The following KCNQ3 variants were observed in gnomAD, a reference collection of about 807,000 sequenced individuals.
The protein encoded by KCNQ3 is potassium voltage-gated channel subfamily Q member 3.
Under a neutral mutation model 92.5 loss-of-function variants are expected in KCNQ3, and 30 were observed. That is an observed-to-expected ratio of 0.32 (90% CI 0.24 to 0.44). The LOEUF (loss-of-function observed/expected upper bound fraction) is 0.44, where lower values mean the gene tolerates loss of function less well. Ranked by LOEUF, KCNQ3 falls within the 20% of genes least tolerant of loss-of-function variation. KCNQ3 has a pLI of 1.00. For synonymous variants in KCNQ3, 450 were observed against 468.8 expected (o/e 0.96, Z 0.52); for missense variants, 913 against 1,140.3 (o/e 0.80, Z 2.87).
chr8:132,204,379 C>T (rs1813586478), intron 1 of KCNQ3, among the ~76,000 whole-genome samples: 1 of 152,360 alleles, frequency 6.6e-6, no homozygotes, highest in East Asian at 1.9e-4. Context: ...CTCTGGCACA[C>T]CTGATCCACT....
chr8:132,171,225 G>A (rs1826336178), intron 7 of KCNQ3, among the ~76,000 whole-genome samples: 1 of 152,020 alleles, frequency 6.6e-6, no homozygotes, highest in Non-Finnish European at 1.5e-5. Context: ...GGGGTGTGGG[G>A]AGTTAATGGG....
At chr8:132,289,113 C>T (rs569886985) in intron 1 of KCNQ3, among the ~76,000 whole-genome samples, 4 of 152,262 alleles carry the variant, frequency 2.6e-5, no homozygotes, top group South Asian at 4.1e-4. Context: ...TTAAAAAATG[C>T]ATCACTAAGA....
intron 4 of KCNQ3, among the ~76,000 whole-genome samples, chr8:132,179,256 G>A (rs899198906): frequency 4.0e-5 from 6 of 151,834 alleles, no homozygotes; most frequent in Non-Finnish European, 7.4e-5. Flanking sequence ...GATTCTGGCT[G>A]CTTGGGTTCC....
intron 9 of KCNQ3, among the ~76,000 whole-genome samples, chr8:132,160,894 G>A (rs1306691642): frequency 6.6e-6 from 1 of 152,158 alleles, no homozygotes; most frequent in Admixed American, 6.5e-5. Flanking sequence ...GCTTTATTAG[G>A]GAAGTTCTGA....
chr8:132,372,974 C>G (rs150227320), intron 1 of KCNQ3, among the ~76,000 whole-genome samples: 7 of 151,978 alleles, frequency 4.6e-5, no homozygotes, highest in African/African-American at 1.7e-4. Context: ...AAGAAAGAAC[C>G]AAAGAAAGAA....
intron 1 of KCNQ3, among the ~76,000 whole-genome samples, chr8:132,278,968 C>T (rs921304061): frequency 2.0e-5 from 3 of 152,062 alleles, no homozygotes; most frequent in Non-Finnish European, 4.4e-5. Flanking sequence ...GTAATCCCAG[C>T]ACTTTGGGAG....
chr8:132,357,368 G>A (rs73708403), intron 1 of KCNQ3, among the ~76,000 whole-genome samples: 1,980 of 152,242 alleles, frequency 0.013, 44 homozygotes, highest in African/African-American at 0.045. Flanking sequence ...ACAGGGGCTC[G>A]ATTCTCCTGA....
chr8:132,285,019 G>C (rs1284594345), intron 1 of KCNQ3, among the ~76,000 whole-genome samples: 2 of 152,148 alleles, frequency 1.3e-5, no homozygotes, highest in Non-Finnish European at 2.9e-5. Flanking sequence ...CTAGAACTAT[G>C]AGTCAAAATA....
chr8:132,132,782 T>C (rs1824928667), intron 13 of KCNQ3, among the ~76,000 whole-genome samples: 1 of 152,206 alleles, frequency 6.6e-6, no homozygotes, highest in African/African-American at 2.4e-5. Flanking sequence ...TGGTGAGGAA[T>C]GGAATTGAAA....
At chr8:132,420,364 C>T (rs1240478441) in intron 1 of KCNQ3, among the ~76,000 whole-genome samples, 1 of 152,136 alleles carries the variant, frequency 6.6e-6, no homozygotes, top group Non-Finnish European at 1.5e-5. Context: ...CCCGATGTGC[C>T]TTAGAAAACA....
chr8:132,154,193 GTTTTTTTTTTTTTTTT>G (rs869112851), intron 9 of KCNQ3, among the ~76,000 whole-genome samples: 1 of 27,456 alleles, frequency 3.6e-5, no homozygotes, highest in Non-Finnish European at 6.8e-5. Flanking sequence ...AAGGGTAAAA[GTTTTTTTTTTTTTTTT>G]TTTTTTTTTT....
At chr8:132,146,597 CT>C (rs11420420) in intron 9 of KCNQ3, among the ~76,000 whole-genome samples, 198 of 145,460 alleles carry the variant, frequency 1.4e-3, no homozygotes, top group Non-Finnish European at 1.9e-3. Context: ...TAGACCTGTA[CT>C]TTTTTTTTTT....
intron 1 of KCNQ3, among the ~76,000 whole-genome samples, chr8:132,380,033 A>G (rs1819704539): frequency 2.0e-5 from 3 of 152,156 alleles, no homozygotes; most frequent in Admixed American, 2.0e-4. Flanking sequence ...GCTTTATTCA[A>G]TGAAAGAAGA....
chr8:132,461,734 G>C (rs1822066081), intron 1 of KCNQ3, among the ~76,000 whole-genome samples: 1 of 152,174 alleles, frequency 6.6e-6, no homozygotes, highest in South Asian at 2.1e-4. Flanking sequence ...TAGGTGTGTA[G>C]TGATATCTCA....
At chr8:132,420,367 A>G (rs1820934154) in intron 1 of KCNQ3, among the ~76,000 whole-genome samples, 1 of 152,178 alleles carries the variant, frequency 6.6e-6, no homozygotes, top group African/African-American at 2.4e-5. Flanking sequence ...GATGTGCCTT[A>G]GAAAACATCA....
chr8:132,434,207 C>CA (rs546958236), intron 1 of KCNQ3, among the ~76,000 whole-genome samples: 117 of 130,726 alleles, frequency 9.0e-4, no homozygotes, highest in Admixed American at 3.3e-3. Flanking sequence ...GACTCCGTCT[C>CA]AAAAAAAAAA....
At chr8:132,430,257 AG>A (rs1821213972) in intron 1 of KCNQ3, among the ~76,000 whole-genome samples, 1 of 152,252 alleles carries the variant, frequency 6.6e-6, no homozygotes, top group Admixed American at 6.5e-5. Context: ...TTCCCATCCA[AG>A]ACCAAGTAAA....
intron 1 of KCNQ3, among the ~76,000 whole-genome samples, chr8:132,240,766 T>C (rs536524079): frequency 5.3e-5 from 8 of 152,352 alleles, no homozygotes; most frequent in Admixed American, 1.3e-4. Context: ...TAAATATTTA[T>C]TGAACAAATG....
intron 1 of KCNQ3, among the ~76,000 whole-genome samples, chr8:132,475,768 C>T (rs1196547600): frequency 1.3e-5 from 2 of 152,202 alleles, no homozygotes; most frequent in Non-Finnish European, 2.9e-5. Flanking sequence ...AAGAAAAACC[C>T]ATTTTCTGCG....
Sources: allele counts gnomAD v4.1 joint callset (sites outside exome capture counted in the v4.1 genomes callset), GRCh38; gene constraint gnomAD v4.1.1; transcripts MANE v1.5; gene names NCBI Gene and HGNC (gene_info 2026-07-23, HGNC 2026-07-21).